The following KCND3 variants were observed in gnomAD, a reference collection of about 807,000 sequenced individuals.
KCND3 encodes potassium voltage-gated channel subfamily D member 3.
A neutral mutation model predicts 51.1 loss-of-function variants in KCND3; 9 were observed. The observed-to-expected ratio is 0.18, with a 90% CI of 0.11 to 0.31. The LOEUF is 0.31. Among genes scored for constraint, KCND3 ranks in the 10% least tolerant of loss-of-function variants. The pLI is 1.00. For synonymous variants in KCND3, 349 were observed against 368.0 expected, an observed-to-expected ratio of 0.95 and a Z score of 0.59; for missense variants, 526 against 903.8, an observed-to-expected ratio of 0.58 and a Z score of 5.36.
At chr1:111,922,712 C>G (rs1035483498) in intron 2 of KCND3, among the ~76,000 whole-genome samples, 10 of 152,352 alleles carry the variant, frequency 6.6e-5, no homozygotes, top group Non-Finnish European at 1.5e-4. Context: ...TTGCTAGATC[C>G]ACTTTGGCTA....
chr1:111,932,315 C>T (rs560391833), intron 2 of KCND3, among the ~76,000 whole-genome samples: 2 of 152,324 alleles, frequency 1.3e-5, no homozygotes, highest in Admixed American at 1.3e-4. Flanking sequence ...ATCCTGCCTC[C>T]CACAAGGGCC....
chr1:111,827,041 A>C (rs939438794), intron 2 of KCND3, among the ~76,000 whole-genome samples: 1 of 152,250 alleles, frequency 6.6e-6, no homozygotes, highest in Non-Finnish European at 1.5e-5. Flanking sequence ...GCATCATGTC[A>C]GCAATCAAAA....
chr1:111,957,302 T>C (rs530765418), intron 2 of KCND3, among the ~76,000 whole-genome samples: 1 of 152,326 alleles, frequency 6.6e-6, no homozygotes, highest in South Asian at 2.1e-4. Flanking sequence ...CTGTGATTTC[T>C]TGGTAACTGG....
intron 2 of KCND3, among the ~76,000 whole-genome samples, chr1:111,881,156 T>G (rs1157933332): frequency 6.6e-6 from 1 of 152,192 alleles, no homozygotes; most frequent in Non-Finnish European, 1.5e-5. Context: ...TTGGCTTGAC[T>G]CCATCCAGGC....
At position 111,982,548 on chromosome 1, in the gene KCND3, C is replaced by T; in HGVS notation, c.179G>A (p.Arg60His). The T allele has an allele frequency of 1.9e-6, 3 of 1,608,560 alleles. No individual in the cohort carries two copies. The highest frequency in any genetic ancestry group is 2.6e-6 in the Non-Finnish European group (3 of 1,175,628). Residue 60 changes from arginine to histidine, a missense_variant, in exon 2 of 8, where the codon CGC becomes CAC. Physicochemically the swap from Arg to His is conservative, Grantham distance 29. Transcript: ENST00000302127. The surrounding 1 kb of genome is among the most constrained non-coding windows in gnomAD (Gnocchi z 8.5). ...GCTGCCCAGCAGGGTGTCCGGGTAG[C>T]GCTCCAGCGTGGTCCTCCAGGTCTG... ...RFQTWRTTLE[R>H]YPDTLLGSTE...
chr1:111,778,619 C>T (rs1664240258), intron 5 of KCND3, 127 bp from the exon 6 acceptor site: 2 of 897,292 alleles, frequency 2.2e-6, no homozygotes, highest in African/African-American at 3.3e-5. Context: ...CATTCCACCC[C>T]TCATTCCCAG....
At chr1:111,856,605 G>A (rs568054391) in intron 2 of KCND3, among the ~76,000 whole-genome samples, 1 of 152,346 alleles carries the variant, frequency 6.6e-6, no homozygotes, top group Non-Finnish European at 1.5e-5. Flanking sequence ...GCCTCTGCCC[G>A]ACTTGGGGTC....
At chr1:111,829,018 C>T (rs556134953) in intron 2 of KCND3, among the ~76,000 whole-genome samples, 12 of 152,140 alleles carry the variant, frequency 7.9e-5, no homozygotes, top group Non-Finnish European at 1.5e-4. Context: ...GAGCCACCCG[C>T]GAAACAAATG....
In KCND3 at chr1:111,978,891, C is replaced by T. The variant is rs184466682; in HGVS notation, c.1106+2730G>A. On this transcript the variant is annotated intron_variant, in intron 2 of 7. Coordinates refer to ENST00000302127, the MANE Select transcript of KCND3 (RefSeq NM_001378969.1). The stretch of plus-strand genomic sequence containing the variant: ...GTGCTTGCTATGTATAATCAAGCAA[C>T]GAGCCTGGTAATGGTGTCAACTGCC... Among the ~76,000 whole-genome samples, 4 of 152,256 alleles carry T rather than the reference C, an allele frequency of 2.6e-5. No homozygotes were observed. The East Asian group carries it at 5.8e-4, about 22-fold the overall frequency.
chr1:111,796,764 C>A (rs1370630229), intron 2 of KCND3, among the ~76,000 whole-genome samples: 2 of 152,148 alleles, frequency 1.3e-5, no homozygotes, highest in East Asian at 3.8e-4. Context: ...AGCCTTGAGA[C>A]AATGGAGAAA....
In KCND3 at chr1:111,982,287, A is replaced by C; in HGVS notation, c.440T>G (p.Leu147Arg). 6.2e-7 allele frequency: 1 copy of C among 1,614,056 alleles called. No homozygotes were observed. The highest frequency in any genetic ancestry group is 8.5e-7 in the Non-Finnish European group (1 of 1,180,016). ...KDRKRENAER[L>R]MDDNDSENNQ... is the part of the protein sequence containing the mutation. ...GTTCTCCGAGTCGTTGTCGTCCATG[A>C]GCCGCTCGGCGTTCTCCCTCTTGCG... The change falls in exon 2 of 8, where the codon CTC becomes CGC. Residue 147 changes from leucine (L) to arginine (R), a missense_variant. Leu to Arg is a moderately radical substitution (Grantham distance 102). Transcript: ENST00000302127. The surrounding 1 kb of genome is among the most constrained non-coding windows in gnomAD (Gnocchi z 8.5).
At chr1:111,909,403 G>A (rs12135167) in intron 2 of KCND3, 7,384 of 152,230 alleles carry the variant, frequency 0.049, 224 homozygotes, top group Non-Finnish European at 0.067. Context: ...CTCGGCCAAG[G>A]GATCGAGAGT....
chr1:111,778,242 A>G (rs1366120067), intron 6 of KCND3, among the ~76,000 whole-genome samples, 194 bp downstream of exon 6: 1 of 152,152 alleles, frequency 6.6e-6, no homozygotes, highest in Non-Finnish European at 1.5e-5. Flanking sequence ...AGGGAACTAG[A>G]AAGACAGTTG....
At chr1:111,792,162 C>T (rs1038613954) in intron 2 of KCND3, among the ~76,000 whole-genome samples, 4 of 152,062 alleles carry the variant, frequency 2.6e-5, no homozygotes, top group Admixed American at 6.6e-5. Context: ...ACGTTTGGCC[C>T]GAAGAAGAGG....
At chr1:111,848,617 A>G (rs2101657895) in intron 2 of KCND3, among the ~76,000 whole-genome samples, 1 of 152,360 alleles carries the variant, frequency 6.6e-6, no homozygotes, top group South Asian at 2.1e-4. Flanking sequence ...CTGCACTCAC[A>G]GAGCCACACA....
rs543434215 is a variant in KCND3 at position 111,882,829 on chromosome 1, C to T, written c.1107-95723G>A. Among the ~76,000 whole-genome samples, 90 of 152,236 alleles carry T rather than the reference C, an allele frequency of 5.9e-4. 1 individual carries two copies. Among genetic ancestry groups the T allele is most frequent in the Admixed American group, 5.6e-3 (85 of 15,300 alleles). ...CAGCAGGGAGGGGCTGGAACTCTTC[C>T]TTTCCACCCCAGGACCTCGGCCCAG... On this transcript the variant is annotated intron_variant, in intron 2 of 7. Transcript: ENST00000302127.
In KCND3 at chr1:111,915,619, G is replaced by C. The variant is rs965059871; in HGVS notation, c.1106+66002C>G. 4.6e-5 allele frequency among the ~76,000 whole-genome samples: 7 copies of C among 152,032 alleles called. No homozygotes were observed. In the East Asian group the frequency reaches 1.2e-3, roughly 25 times the overall value. ...ATACAAAAAATCAGCTGGGCGTGGT[G>C]GTGGGCGCCTGTAGTCCCAGCTACT... On this transcript the variant is annotated intron_variant, in intron 2 of 7. Coordinates refer to ENST00000302127, the MANE Select transcript of KCND3 (RefSeq NM_001378969.1).
intron 2 of KCND3, among the ~76,000 whole-genome samples, chr1:111,969,116 G>C (rs1674184763): frequency 6.6e-6 from 1 of 151,324 alleles, no homozygotes. Context: ...TGCTTCCCCT[G>C]CTGGTGAACC....
At chr1:111,906,791 C>T (rs1319058182) in intron 2 of KCND3, among the ~76,000 whole-genome samples, 1 of 152,174 alleles carries the variant, frequency 6.6e-6, no homozygotes, top group Non-Finnish European at 1.5e-5. Flanking sequence ...CCAGTCTGAC[C>T]ACAGCCATCA....
Sources: allele counts gnomAD v4.1 joint callset (sites outside exome capture counted in the v4.1 genomes callset), GRCh38; gene constraint gnomAD v4.1.1; non-coding constraint Gnocchi (gnomAD v3.1); transcripts MANE v1.5; gene names NCBI Gene and HGNC (gene_info 2026-07-23, HGNC 2026-07-21).